The following MIPOL1 variants were observed in gnomAD, a reference collection of about 807,000 sequenced individuals.
MIPOL1 encodes the protein mirror-image polydactyly 1.
A neutral mutation model predicts 60.9 loss-of-function variants in MIPOL1; 57 were observed. The observed-to-expected ratio is 0.94, with a 90% confidence interval of 0.76 to 1.17. The LOEUF (loss-of-function observed/expected upper bound fraction) is 1.17. MIPOL1 is among the 50% of genes most tolerant of loss of function. The probability of loss-of-function intolerance (pLI) is 0.00; values close to 1 mark genes in which losing one functional copy is unlikely to be tolerated. For missense variants in MIPOL1, 551 were observed against 511.6 expected (o/e 1.08, Z -0.74); for synonymous variants, 179 against 168.8 (o/e 1.06, Z -0.47).
Position 37,373,161 on chromosome 14 carries a change from G to A in MIPOL1, c.936+3537G>A, listed in dbSNP as rs541326526. On this transcript the variant is annotated intron_variant, in intron 10 of 12. Coordinates refer to ENST00000684589, the MANE Select transcript of MIPOL1 (RefSeq NM_001388067.1). ...TGAGATTACAGGCATGCACCACCAC[G>A]CTGGCTAATTTTTGTATTTTTAGTA... Among the ~76,000 whole-genome samples the A allele has an allele frequency of 2.2e-4, 33 of 151,962 alleles. No homozygotes were observed. In the South Asian group the frequency reaches 6.9e-3, roughly 32 times the overall value.
chr14:37,318,663 C>G (rs1222809824), intron 9 of MIPOL1, among the ~76,000 whole-genome samples: 4 of 151,836 alleles, frequency 2.6e-5, no homozygotes, highest in African/African-American at 9.7e-5. Flanking sequence ...TGCCCCCAAG[C>G]TCACTTCCTA....
chr14:37,391,058 A>C (rs2093222953), intron 10 of MIPOL1, among the ~76,000 whole-genome samples: 1 of 152,194 alleles, frequency 6.6e-6, no homozygotes, highest in Non-Finnish European at 1.5e-5. Flanking sequence ...AAAGAACAGC[A>C]TTACTGACTG....
chr14:37,321,070 A>G (rs2088529250), intron 9 of MIPOL1, among the ~76,000 whole-genome samples: 1 of 151,988 alleles, frequency 6.6e-6, no homozygotes. Context: ...TTCTGCAGCT[A>G]TTCTCAGTTC....
At chr14:37,425,530 A>G (rs1197660323) in intron 11 of MIPOL1, among the ~76,000 whole-genome samples, 2 of 152,180 alleles carry the variant, frequency 1.3e-5, no homozygotes, top group Admixed American at 6.6e-5. Context: ...GGGATTTGCA[A>G]TTAGACAGCC....
chr14:37,423,728 G>A (rs2153552497), intron 11 of MIPOL1: 1 of 152,160 alleles, frequency 6.6e-6, no homozygotes, highest in Admixed American at 6.6e-5. Flanking sequence ...AAAGATTTTT[G>A]TTTTAATTTG....
chr14:37,422,473 G>T (rs1170432237), intron 10 of MIPOL1, among the ~76,000 whole-genome samples: 1 of 151,956 alleles, frequency 6.6e-6, no homozygotes, highest in African/African-American at 2.4e-5. Context: ...TGTTCAGGCA[G>T]TGGAGCCACA....
At chr14:37,272,282 G>A (rs887638561) in intron 6 of MIPOL1, among the ~76,000 whole-genome samples, 3 of 151,432 alleles carry the variant, frequency 2.0e-5, no homozygotes, top group African/African-American at 7.2e-5. Context: ...GTTGTTTTAA[G>A]GGATAAATTT....
chr14:37,503,302 A>T (rs960397920), intron 12 of MIPOL1: 2 of 152,158 alleles, frequency 1.3e-5, no homozygotes, highest in African/African-American at 4.8e-5. Flanking sequence ...AAACCCATGA[A>T]ACATAATTGT....
chr14:37,348,662 A>G (rs1255891321), intron 9 of MIPOL1, among the ~76,000 whole-genome samples: 1 of 151,754 alleles, frequency 6.6e-6, no homozygotes, highest in Non-Finnish European at 1.5e-5. Flanking sequence ...CAAGAGAAGG[A>G]TGACTACCAC....
intron 10 of MIPOL1, among the ~76,000 whole-genome samples, chr14:37,390,641 C>T (rs1358636331): frequency 3.3e-5 from 5 of 151,676 alleles, no homozygotes; most frequent in African/African-American, 9.7e-5. Context: ...AAATTCTAAT[C>T]GTAATGAGCA....
intron 9 of MIPOL1, among the ~76,000 whole-genome samples, chr14:37,313,873 A>G (rs552054555): frequency 6.6e-6 from 1 of 152,252 alleles, no homozygotes; most frequent in South Asian, 2.1e-4. Context: ...CAAAGCAGAA[A>G]CTAGCACTGT....
At chr14:37,544,095 C>G (rs2095539113) in intron 12 of MIPOL1, among the ~76,000 whole-genome samples, 1 of 152,094 alleles carries the variant, frequency 6.6e-6, no homozygotes. Flanking sequence ...GAGTCTAAAA[C>G]TCAGAAGAGA....
chr14:37,274,326 C>G (rs1419918583), intron 6 of MIPOL1, among the ~76,000 whole-genome samples: 1 of 151,406 alleles, frequency 6.6e-6, no homozygotes, highest in Non-Finnish European at 1.5e-5. Flanking sequence ...TAGTTTGAAA[C>G]TCAGCTCTGT....
chr14:37,478,842 A>G (rs1475354172), intron 11 of MIPOL1, among the ~76,000 whole-genome samples: 2 of 152,150 alleles, frequency 1.3e-5, no homozygotes, highest in Admixed American at 6.5e-5. Flanking sequence ...TATCAAGAGA[A>G]TGTAACAGTT....
At chr14:37,302,600 G>C (rs1316538955) in intron 7 of MIPOL1, among the ~76,000 whole-genome samples, 1 of 144,524 alleles carries the variant, frequency 6.9e-6, no homozygotes, top group African/African-American at 2.5e-5. Context: ...TTTAAATTTT[G>C]ATAACACTTA....
chr14:37,244,401 G>GT (rs1972855529), intron 1 of MIPOL1, among the ~76,000 whole-genome samples: 1 of 151,562 alleles, frequency 6.6e-6, no homozygotes, highest in Non-Finnish European at 1.5e-5. Context: ...GATTACAGGC[G>GT]TGAGCCACCA....
At chr14:37,461,432 G>A (rs1389400384) in intron 11 of MIPOL1, among the ~76,000 whole-genome samples, 1 of 152,038 alleles carries the variant, frequency 6.6e-6, no homozygotes, top group African/African-American at 2.4e-5. Context: ...TCTCCCACCA[G>A]GTCCCTCCTA....
chr14:37,313,814 G>T (rs2087600719), intron 9 of MIPOL1, among the ~76,000 whole-genome samples: 1 of 152,132 alleles, frequency 6.6e-6, no homozygotes, highest in Non-Finnish European at 1.5e-5. Flanking sequence ...GAAACTATAT[G>T]AAAAGGTGCA....
intron 1 of MIPOL1, among the ~76,000 whole-genome samples, chr14:37,217,886 T>G (rs1968021230): frequency 6.6e-6 from 1 of 152,326 alleles, no homozygotes; most frequent in African/African-American, 2.4e-5. Flanking sequence ...TAAGTCCTAG[T>G]TAGAGGTCTT....
Sources: allele counts gnomAD v4.1 joint callset (sites outside exome capture counted in the v4.1 genomes callset), GRCh38; gene constraint gnomAD v4.1.1; transcripts MANE v1.5; gene names NCBI Gene and HGNC (gene_info 2026-07-23, HGNC 2026-07-21).